DNAH11: variants seen among roughly 807,000 people sequenced by gnomAD.
DNAH11 encodes the protein axonemal beta dynein heavy chain 11.
DNAH11 carries 442 observed loss-of-function variants against 526.0 expected under a neutral mutation model. The observed-to-expected ratio is 0.84, with a 90% CI of 0.78 to 0.91. The LOEUF (loss-of-function observed/expected upper bound fraction) is 0.91. Among genes scored for constraint, DNAH11 ranks in the 40% least tolerant of loss-of-function variants. DNAH11 has a pLI of 0.00. For synonymous variants in DNAH11, 2,461 were observed against 1,935.9 expected (o/e 1.27, Z -7.12); for missense variants, 6,989 against 5,448.7 (o/e 1.28, Z -8.90).
chr7:21,801,166 G>A lies in DNAH11; in HGVS notation c.10056G>A (p.Thr3352=), dbSNP rs372186391. 2.5e-5 allele frequency: 41 copies of A among 1,611,390 alleles called. No homozygotes were observed. In the South Asian group the frequency reaches 3.3e-4, roughly 13 times the overall value. Residue 3352 remains threonine (T), a synonymous_variant, in exon 62 of 82, where the codon ACG becomes ACA. Coordinates refer to ENST00000409508, the MANE Select transcript of DNAH11 (RefSeq NM_001277115.2). ...VDLDRNLSRL[T]ASFEKATAEK... is the part of the protein sequence containing the mutation. ...TGGATCGAAATCTGAGCAGACTCAC[G>A]GCTTCATTTGAAAAAGCAACAGCTG... is the stretch of plus-strand genomic sequence containing the variant.
chr7:21,837,680 T>A lies in DNAH11; in HGVS notation c.10692-4864T>A, dbSNP rs1443964164. Among the ~76,000 whole-genome samples the A allele has an allele frequency of 3.3e-5, 5 of 152,204 alleles. No homozygotes were observed. The East Asian group carries it at 7.7e-4, about 23-fold the overall frequency. On this transcript the variant is annotated intron_variant, in intron 65 of 81. Coordinates refer to ENST00000409508, the MANE Select transcript of DNAH11 (RefSeq NM_001277115.2). Reference sequence around the variant, plus strand: ...TTTTGGTAACACCATTATCAAGATATAATTTACATACTATATTACCATTTG... The same window carrying A: ...TTTTGGTAACACCATTATCAAGATAAAATTTACATACTATATTACCATTTG...
intron 75 of DNAH11, among the ~76,000 whole-genome samples, chr7:21,882,033 T>C (rs1345660909): frequency 6.6e-6 from 1 of 152,250 alleles, no homozygotes; most frequent in African/African-American, 2.4e-5. Flanking sequence ...GTCTAAACTA[T>C]TGCACATAAA....
At chr7:21,569,752 A>G (rs1783809986) in intron 6 of DNAH11, among the ~76,000 whole-genome samples, 2 of 152,346 alleles carry the variant, frequency 1.3e-5, no homozygotes, top group South Asian at 4.1e-4. Context: ...ACGATTGTTC[A>G]GAATATTTGC....
chr7:21,748,449 A>G (rs1046963509), intron 51 of DNAH11, 131 bp from the exon 52 acceptor site: 2 of 1,041,032 alleles, frequency 1.9e-6, no homozygotes, highest in Non-Finnish European at 2.5e-6. Flanking sequence ...AGATCGCGCC[A>G]CTGCACTCCG....
intron 20 of DNAH11, among the ~76,000 whole-genome samples, chr7:21,610,373 G>C (rs373456486): frequency 6.6e-6 from 1 of 152,168 alleles, no homozygotes; most frequent in Non-Finnish European, 1.5e-5. Flanking sequence ...TTCTAAGACA[G>C]GAAATTGAAA....
intron 5 of DNAH11, among the ~76,000 whole-genome samples, chr7:21,563,167 A>AT (rs967628549): frequency 2.0e-5 from 3 of 151,794 alleles, no homozygotes; most frequent in African/African-American, 7.3e-5. Context: ...AAATATTTAA[A>AT]TTTTTTTTCA....
intron 45 of DNAH11, among the ~76,000 whole-genome samples, chr7:21,729,350 A>T (rs192150295): frequency 6.6e-6 from 1 of 152,066 alleles, no homozygotes; most frequent in Non-Finnish European, 1.5e-5. Context: ...TTGTCTAAGA[A>T]TTACACCCCT....
At chr7:21,650,257 T>C (rs76636303) in intron 28 of DNAH11, among the ~76,000 whole-genome samples, 1 of 152,206 alleles carries the variant, frequency 6.6e-6, no homozygotes, top group Non-Finnish European at 1.5e-5. Flanking sequence ...TTACAAAATA[T>C]TATACTGTGA....
chr7:21,736,134 G>A (rs776433128), intron 46 of DNAH11, among the ~76,000 whole-genome samples: 3 of 152,170 alleles, frequency 2.0e-5, no homozygotes, highest in Non-Finnish European at 4.4e-5. Context: ...GCTTTTAATT[G>A]CATGGAGTCT....
At chr7:21,543,901 C>T (rs6970597) in intron 1 of DNAH11, 2 of 400,974 alleles carry the variant, frequency 5.0e-6, no homozygotes, top group Non-Finnish European at 8.8e-6. Context: ...TGTTAGGCGC[C>T]AGGTGGGCTT....
intron 44 of DNAH11, among the ~76,000 whole-genome samples, chr7:21,725,246 C>T (rs1372453865): frequency 6.6e-6 from 1 of 152,202 alleles, no homozygotes; most frequent in African/African-American, 2.4e-5. Context: ...ATCCATTCCT[C>T]CATCTCTCAT....
Position 21,735,707 on chromosome 7 carries a change from G to A in DNAH11, c.7508G>A (p.Gly2503Glu), listed in dbSNP as rs1042746605. The A allele has an allele frequency of 1.2e-6, 2 of 1,613,700 alleles. No homozygotes were observed. The highest frequency in any genetic ancestry group is 2.7e-5 in the African/African-American group (2 of 74,910). ...RYFMELLLEK[G>E]KPLMLVGNAG... is the part of the protein sequence containing the mutation. ...TTCATGGAGTTGTTGCTTGAGAAAGGAAAACCTCTAATGCTAGTAGGAAAT... is the reference window on the plus strand; with the variant it reads ...TTCATGGAGTTGTTGCTTGAGAAAGAAAAACCTCTAATGCTAGTAGGAAAT... The change falls in exon 46 of 82, where the codon GGA becomes GAA. Residue 2503 changes from glycine to glutamate, a missense_variant. By Grantham distance (98) the Gly-to-Glu change is moderately conservative. Transcript: ENST00000409508.
intron 35 of DNAH11, among the ~76,000 whole-genome samples, chr7:21,695,306 A>G (rs939375269): frequency 4.6e-5 from 7 of 152,222 alleles, no homozygotes; most frequent in African/African-American, 1.7e-4. Context: ...AGCAAAAAGA[A>G]TAAAGCTGGA....
chr7:21,562,439 A>G (rs1405311059), intron 5 of DNAH11, among the ~76,000 whole-genome samples: 2 of 152,184 alleles, frequency 1.3e-5, no homozygotes, highest in Non-Finnish European at 2.9e-5. Context: ...CAATAAATAG[A>G]AGCTGTTGGC....
intron 23 of DNAH11, chr7:21,618,253 C>G (rs144837020): frequency 5.2e-5 from 8 of 152,992 alleles, no homozygotes; most frequent in South Asian, 2.1e-4. Flanking sequence ...AATCCACTTG[C>G]TAGAAACCCC....
chr7:21,892,796 C>G (rs1195921494), intron 77 of DNAH11, 129 bp downstream of exon 77: 4 of 1,082,400 alleles, frequency 3.7e-6, no homozygotes, highest in Non-Finnish European at 5.1e-6. Flanking sequence ...CCACCTAGAT[C>G]AAAATAACAT....
chr7:21,880,477 C>G (rs1261322072), intron 74 of DNAH11, among the ~76,000 whole-genome samples: 1 of 152,216 alleles, frequency 6.6e-6, no homozygotes, highest in African/African-American at 2.4e-5. Context: ...TAGAAGCATT[C>G]AGAAGCATGA....
intron 57 of DNAH11, among the ~76,000 whole-genome samples, chr7:21,780,597 C>T (rs951868205): frequency 9.9e-5 from 15 of 152,002 alleles, no homozygotes; most frequent in African/African-American, 3.6e-4. Context: ...TGCATTTTTA[C>T]ATTTGAATTC....
chr7:21,829,185 T>C (rs1790442109), intron 65 of DNAH11, among the ~76,000 whole-genome samples: 1 of 152,192 alleles, frequency 6.6e-6, no homozygotes, highest in African/African-American at 2.4e-5. Flanking sequence ...GTAAGGCTTT[T>C]AGATGTCCAT....
Sources: gnomAD v4.1 joint callset for allele counts (sites outside exome capture counted in the v4.1 genomes callset) on GRCh38, gnomAD v4.1.1 for gene constraint, MANE v1.5 for transcripts, NCBI Gene and HGNC (gene_info 2026-07-23, HGNC 2026-07-21) for gene names.